LAMTOR5: variants seen among roughly 807,000 people sequenced by gnomAD.
The protein encoded by LAMTOR5 is ragulator complex protein LAMTOR5.
LAMTOR5 carries 8 observed loss-of-function variants against 12.1 expected under a neutral mutation model. The observed-to-expected ratio is 0.66, with a 90% CI of 0.39 to 1.19. The LOEUF is 1.19. LAMTOR5 is among the 50% of genes most tolerant of loss of function. LAMTOR5 has a pLI of 0.01. For synonymous variants in LAMTOR5, 37 were observed against 41.9 expected (o/e 0.88, Z 0.45); for missense variants, 110 against 112.8 (o/e 0.97, Z 0.11).
chr1:110,407,450 C>T (rs1418149553), intron 1 of LAMTOR5, 136 bp downstream of exon 1: 3 of 1,123,424 alleles, frequency 2.7e-6, no homozygotes, highest in East Asian at 2.6e-5. Context: ...AGAGTTTAGC[C>T]CCCTCATCCC....
At position 110,406,511 on chromosome 1, in the gene LAMTOR5, T is replaced by C. The variant is rs1016795313; in HGVS notation, c.36-132A>G. The C allele has an allele frequency of 1.7e-5, 10 of 583,952 alleles. No individual in the cohort carries two copies. The African/African-American group carries it at 1.9e-4, about 11-fold the overall frequency. The allele number at this position is 583,952 out of a possible 1,614,324, so 36.2% of individuals were successfully genotyped here. A position where few individuals can be genotyped will look rare whatever the true frequency, so the allele number is the denominator to read the frequency against. The stretch of plus-strand genomic sequence containing the variant: ...TCAATATTTCTCAATCTTTTTTCAT[T>C]GTCACACCCTAAGAAAAAAATTAAG... On this transcript the variant is annotated intron_variant, in intron 1 of 3. Coordinates refer to ENST00000602318, the MANE Select transcript of LAMTOR5 (RefSeq NM_001382293.1).
At position 110,401,264 on chromosome 1, in the gene LAMTOR5, A is replaced by G; in HGVS notation, c.*259T>C. On this transcript the variant is annotated 3_prime_UTR_variant, in exon 4 of 4. Coordinates refer to ENST00000602318, the MANE Select transcript of LAMTOR5 (RefSeq NM_001382293.1). ...CTAGAAAAGATCCATTTTCCTCCAA[A>G]CAGATTTATTGAATACAGCAAAATT... 3.1e-6 allele frequency: 1 copy of G among 318,596 alleles called. No homozygotes were observed. Among genetic ancestry groups the G allele is most frequent in the Non-Finnish European group, 5.7e-6 (1 of 176,322 alleles). 19.7% of individuals were successfully genotyped at this position (318,596 alleles called of 1,614,324 possible). A position where few individuals can be genotyped will look rare whatever the true frequency, so the allele number is the denominator to read the frequency against.
Position 110,407,641 on chromosome 1 carries a change from G to C in LAMTOR5, c.-21C>G. 1 of 1,614,194 alleles carries C rather than the reference G, an allele frequency of 6.2e-7. No homozygotes were observed. On this transcript the variant is annotated 5_prime_UTR_variant, in exon 1 of 4. Transcript: ENST00000602318. ...TCCATCCCACCCACCGACCACTCCG[G>C]CTCAGAACCCAGCGGCACGGCACGT...
At chr1:110,404,141 A>T in intron 2 of LAMTOR5, 105 bp from the exon 3 acceptor site, 2 of 1,501,792 alleles carry the variant, frequency 1.3e-6, no homozygotes, top group East Asian at 2.3e-5. Context: ...TCTTTTTATT[A>T]ATGTCTGTAT....
chr1:110,405,909 T>C (rs895323402), intron 2 of LAMTOR5, among the ~76,000 whole-genome samples: 3 of 152,202 alleles, frequency 2.0e-5, no homozygotes, highest in Admixed American at 2.0e-4. Context: ...TTTAGTGTAG[T>C]TGAGCTTCAA....
chr1:110,403,861 C>T, intron 3 of LAMTOR5, 58 bp downstream of exon 3: 1 of 1,600,468 alleles, frequency 6.2e-7, no homozygotes, highest in Non-Finnish European at 8.5e-7. Context: ...CGGCCCCCGC[C>T]AATTTTACCA....
At chr1:110,406,288 C>A in intron 2 of LAMTOR5, 30 bp downstream of exon 2, 1 of 1,481,214 alleles carries the variant, frequency 6.8e-7, no homozygotes, top group South Asian at 1.2e-5. Context: ...CTATGCAATT[C>A]ATCAAATAGT....
At chr1:110,401,934 A>G (rs1021655061) in intron 3 of LAMTOR5, among the ~76,000 whole-genome samples, 1 of 152,174 alleles carries the variant, frequency 6.6e-6, no homozygotes, top group Non-Finnish European at 1.5e-5. Flanking sequence ...TACAAAAAAA[A>G]GGCTTTACTG....
intron 2 of LAMTOR5, among the ~76,000 whole-genome samples, chr1:110,406,074 A>G (rs1663322983): frequency 1.3e-5 from 2 of 152,242 alleles, no homozygotes; most frequent in Non-Finnish European, 2.9e-5. Flanking sequence ...TGATTCAAAT[A>G]TTATTTTTAG....
intron 1 of LAMTOR5, 125 bp downstream of exon 1, chr1:110,407,461 G>A (rs770760623): frequency 8.9e-6 from 11 of 1,239,168 alleles, no homozygotes; most frequent in Non-Finnish European, 1.2e-5. Context: ...CCCTCATCCC[G>A]TGTCCCGGGG....
chr1:110,402,049 G>C (rs1663241015), intron 3 of LAMTOR5, among the ~76,000 whole-genome samples: 1 of 152,166 alleles, frequency 6.6e-6, no homozygotes. Flanking sequence ...AGATTATAAT[G>C]GAACTGAAAA....
At chr1:110,407,782 T>C, upstream of LAMTOR5, 1 of 1,614,038 alleles carries the variant, frequency 6.2e-7, no homozygotes, top group Middle Eastern at 1.6e-4. Context: ...CTGGAAAACA[T>C]CACTGCGCTT....
chr1:110,405,443 G>C (rs1278452212), intron 2 of LAMTOR5, among the ~76,000 whole-genome samples: 1 of 152,032 alleles, frequency 6.6e-6, no homozygotes, highest in Non-Finnish European at 1.5e-5. Context: ...GGGATCACAG[G>C]TGTGAGCCAC....
chr1:110,407,058 G>GGAT (rs2101112600), intron 1 of LAMTOR5: 1 of 698,868 alleles, frequency 1.4e-6, no homozygotes, highest in South Asian at 1.5e-5. Context: ...TGGAAGCTGA[G>GGAT]GGACATCGGT....
chr1:110,406,601 G>A (rs1317005800), intron 1 of LAMTOR5: 1 of 346,686 alleles, frequency 2.9e-6, no homozygotes, highest in African/African-American at 2.2e-5. Flanking sequence ...CAGGTGGGCG[G>A]ATCACCTGAG....
chr1:110,406,251 C>T (rs563787900), intron 2 of LAMTOR5, 67 bp downstream of exon 2: 28 of 1,089,608 alleles, frequency 2.6e-5, no homozygotes, highest in Middle Eastern at 2.3e-4. Flanking sequence ...AATAATAGCA[C>T]GCTAGGCTCC....
intron 1 of LAMTOR5, 147 bp downstream of exon 1, chr1:110,407,439 T>G: frequency 3.0e-6 from 3 of 1,013,284 alleles, no homozygotes; most frequent in Non-Finnish European, 2.8e-6. Flanking sequence ...CGGCCTTGGG[T>G]AGAGTTTAGC....
rs1663353477 is a variant in LAMTOR5, at chr1:110,407,315, T to C, written c.35+271A>G. On this transcript the variant is annotated intron_variant, in intron 1 of 3. Transcript: ENST00000602318. ...AGAACCACCCTGACCGTAAAGACGA[T>C]TTCAACAACGAGATAGGCAGTTTTG... The C allele has an allele frequency of 6.8e-6, 4 of 588,742 alleles. No individual in the cohort carries two copies. The South Asian group carries it at 8.7e-5, about 13-fold the overall frequency. 36.5% of individuals were successfully genotyped at this position (588,742 alleles called of 1,614,324 possible).
chr1:110,406,497 C>T (rs1157276354), intron 1 of LAMTOR5, 118 bp from the exon 2 acceptor site: 7 of 650,948 alleles, frequency 1.1e-5, no homozygotes, highest in South Asian at 8.7e-5. Context: ...CAATATTTCT[C>T]AATCTTTTTT....
Sources: allele counts gnomAD v4.1 joint callset (sites outside exome capture counted in the v4.1 genomes callset), GRCh38; gene constraint gnomAD v4.1.1; transcripts MANE v1.5; gene names NCBI Gene and HGNC (gene_info 2026-07-23, HGNC 2026-07-21).